PCDH15: variants seen among roughly 807,000 people sequenced by gnomAD.
The protein encoded by PCDH15 is protocadherin-15.
Under a neutral mutation model 178.5 loss-of-function variants are expected in PCDH15, and 129 were observed. The ratio of observed to expected loss-of-function variants is 0.72; its 90% CI spans 0.63 to 0.84. The LOEUF is 0.84. Among genes scored for constraint, PCDH15 ranks in the 40% least tolerant of loss-of-function variants. The probability of loss-of-function intolerance (pLI) is 0.00; values close to 1 mark genes in which losing one functional copy is unlikely to be tolerated. For synonymous variants in PCDH15, 800 were observed against 732.0 expected (o/e 1.09, Z -1.50); for missense variants, 2,230 against 2,099.9 (o/e 1.06, Z -1.21).
intron 1 of PCDH15, among the ~76,000 whole-genome samples, chr10:54,778,417 A>C (rs1949935646): frequency 6.6e-6 from 1 of 152,120 alleles, no homozygotes; most frequent in Non-Finnish European, 1.5e-5. Context: ...GTTATCAGCT[A>C]TTGTTTCTCT....
intron 2 of PCDH15, among the ~76,000 whole-genome samples, chr10:54,976,861 T>A (rs969486929): frequency 1.1e-4 from 17 of 152,162 alleles, no homozygotes; most frequent in Non-Finnish European, 2.4e-4. Context: ...CTGTTATCCT[T>A]GATTCCAAGT....
At chr10:54,010,348 T>C (rs1402105638) in intron 20 of PCDH15, among the ~76,000 whole-genome samples, 1 of 151,306 alleles carries the variant, frequency 6.6e-6, no homozygotes, top group East Asian at 2.0e-4. Context: ...ACCTGGGCTC[T>C]TGGGCCAGTA....
chr10:54,968,777 C>T (rs1314716085), intron 2 of PCDH15, among the ~76,000 whole-genome samples: 1 of 152,122 alleles, frequency 6.6e-6, no homozygotes, highest in East Asian at 1.9e-4. Flanking sequence ...TGTCCCATAG[C>T]TCATGGATGC....
chr10:54,861,183 T>C (rs1953835911), intron 3 of PCDH15, among the ~76,000 whole-genome samples: 1 of 152,096 alleles, frequency 6.6e-6, no homozygotes, highest in Non-Finnish European at 1.5e-5. Flanking sequence ...GAGTAACATA[T>C]CTACAGAATC....
intron 21 of PCDH15, 71 bp from the exon 22 acceptor site, chr10:53,961,963 G>T: frequency 8.2e-7 from 1 of 1,224,394 alleles, no homozygotes; most frequent in South Asian, 1.3e-5. Flanking sequence ...AATATTAAAT[G>T]GATCTTTAAA....
intron 1 of PCDH15, among the ~76,000 whole-genome samples, chr10:55,209,714 G>A (rs902140541): frequency 2.0e-5 from 3 of 152,094 alleles, no homozygotes; most frequent in African/African-American, 7.2e-5. Flanking sequence ...TGAGAGTTGA[G>A]AAGGGGCATG....
intron 20 of PCDH15, among the ~76,000 whole-genome samples, chr10:54,003,939 T>A (rs2092284605): frequency 6.6e-6 from 1 of 152,114 alleles, no homozygotes; most frequent in East Asian, 1.9e-4. Context: ...AGATCATTAA[T>A]CATGACCAAA....
rs1159140729 is a variant in PCDH15, at chr10:54,152,073, T to C, written c.1784+1027A>G. 5.9e-5 allele frequency among the ~76,000 whole-genome samples: 9 copies of C among 152,184 alleles called. 1 individual carries two copies. The highest frequency in any genetic ancestry group is 5.9e-4 in the Admixed American group (9 of 15,266). On this transcript the variant is annotated intron_variant, in intron 14 of 37. Transcript: ENST00000644397. The stretch of plus-strand genomic sequence containing the variant: ...GTTCATCATTGGATGAATATCACAA[T>C]GTATTGTGTGGGGACCACAGAGTAT...
intron 2 of PCDH15, among the ~76,000 whole-genome samples, chr10:55,484,164 A>C (rs765341993): frequency 3.3e-5 from 5 of 151,644 alleles, no homozygotes; most frequent in Non-Finnish European, 5.9e-5. Flanking sequence ...GAGTAGGGAG[A>C]GGTTCAGGAA....
chr10:53,968,635 C>T (rs886746235), intron 21 of PCDH15, among the ~76,000 whole-genome samples: 5 of 152,104 alleles, frequency 3.3e-5, no homozygotes, highest in African/African-American at 4.8e-5. Flanking sequence ...TATAGCCGGA[C>T]GCCACTCTGA....
At chr10:53,991,587 T>C (rs1051374355) in intron 21 of PCDH15, among the ~76,000 whole-genome samples, 4 of 152,024 alleles carry the variant, frequency 2.6e-5, no homozygotes, top group African/African-American at 9.7e-5. Context: ...CTTTTGTGTC[T>C]AGCTAAAGGA....
At chr10:54,972,429 A>G (rs1838956758) in intron 2 of PCDH15, among the ~76,000 whole-genome samples, 1 of 152,076 alleles carries the variant, frequency 6.6e-6, no homozygotes, top group Admixed American at 6.5e-5. Context: ...AAGCTCAGCT[A>G]CTCAGGAGAC....
At chr10:55,268,620 T>C (rs976157185) in intron 1 of PCDH15, among the ~76,000 whole-genome samples, 1 of 152,164 alleles carries the variant, frequency 6.6e-6, no homozygotes, top group Non-Finnish European at 1.5e-5. Flanking sequence ...TATTTAATTG[T>C]TACTTATGTA....
intron 2 of PCDH15, among the ~76,000 whole-genome samples, chr10:55,542,641 ATGTATGTGT>A (rs1841793908): frequency 7.2e-6 from 1 of 139,284 alleles, no homozygotes. Flanking sequence ...ATACAGACAT[ATGTATGTGT>A]CTATATAGGT....
chr10:53,817,923 C>T (rs1018015272), intron 34 of PCDH15, 72 bp downstream of exon 34: 2 of 398,178 alleles, frequency 5.0e-6, no homozygotes, highest in Admixed American at 4.4e-5. Context: ...AAAGAATGTA[C>T]ATTAGTCTTG....
At chr10:55,372,482 G>T (rs1845529699) in intron 2 of PCDH15, among the ~76,000 whole-genome samples, 1 of 152,106 alleles carries the variant, frequency 6.6e-6, no homozygotes, top group Non-Finnish European at 1.5e-5. Flanking sequence ...TTACAACCCA[G>T]TTAGGTCAGT....
chr10:54,180,468 C>T (rs1396661284), intron 13 of PCDH15, among the ~76,000 whole-genome samples: 3 of 152,200 alleles, frequency 2.0e-5, no homozygotes, highest in Non-Finnish European at 2.9e-5. Context: ...GCCCAAGTGT[C>T]TCTTTCCTTT....
chr10:54,826,719 A>G (rs939987085), intron 3 of PCDH15, among the ~76,000 whole-genome samples: 1 of 151,852 alleles, frequency 6.6e-6, no homozygotes, highest in Non-Finnish European at 1.5e-5. Context: ...GCCAAGACTC[A>G]TTATTTTTAC....
At chr10:54,434,051 A>G (rs1250209736) in intron 3 of PCDH15, among the ~76,000 whole-genome samples, 1 of 152,164 alleles carries the variant, frequency 6.6e-6, no homozygotes, top group Non-Finnish European at 1.5e-5. Context: ...AAATGTGTTT[A>G]ACAAAAAAAT....
Sources: allele counts gnomAD v4.1 joint callset (sites outside exome capture counted in the v4.1 genomes callset), GRCh38; gene constraint gnomAD v4.1.1; transcripts MANE v1.5; gene names NCBI Gene and HGNC (gene_info 2026-07-23, HGNC 2026-07-21).